Variants in ZNF620 observed in about 807,000 individuals in gnomAD.
The protein encoded by ZNF620 is zinc finger protein 620.
Under a neutral mutation model 13.3 loss-of-function variants are expected in ZNF620, and 10 were observed. That is an observed-to-expected ratio of 0.75 (90% CI 0.46 to 1.28). The LOEUF (loss-of-function observed/expected upper bound fraction) is 1.28, where lower values mean the gene tolerates loss of function less well. Among genes scored for constraint, ZNF620 ranks in the 50% most tolerant of loss-of-function variants. The pLI, the probability that ZNF620 is intolerant of heterozygous loss-of-function variation, is 0.00. For synonymous variants in ZNF620, 166 were observed against 177.6 expected, an observed-to-expected ratio of 0.93 and a Z score of 0.52; for missense variants, 461 against 500.2, an observed-to-expected ratio of 0.92 and a Z score of 0.75.
At chr3:40,510,370 C>G (rs1359468246) in intron 2 of ZNF620, among the ~76,000 whole-genome samples, 1 of 152,130 alleles carries the variant, frequency 6.6e-6, no homozygotes, top group Admixed American at 6.6e-5. Flanking sequence ...CTCGACTTCC[C>G]AGTCTTCGTG....
rs1698428561 is a variant in ZNF620, at chr3:40,517,449, GAGGC to G, written c.*590_*593del. On this transcript the variant is annotated 3_prime_UTR_variant, in exon 5 of 5. Transcript: ENST00000314529. ...TGTAATCCCAGCTACTAGAGAGGCT[GAGGC>G]AGGAGAATCACTTGAATCCCTGAGG... 1 of 152,076 alleles carries G rather than the reference GAGGC, an allele frequency of 6.6e-6. No individual in the cohort carries two copies. The highest frequency in any genetic ancestry group is 1.5e-5 in the Non-Finnish European group (1 of 68,058). 9.4% of individuals were successfully genotyped at this position (152,076 alleles called of 1,614,324 possible).
At chr3:40,508,812 G>C (rs1267423537) in intron 2 of ZNF620, 2 of 456,204 alleles carry the variant, frequency 4.4e-6, no homozygotes, top group East Asian at 7.0e-5. Context: ...CTTTTTCCTA[G>C]AGACAAGGTT....
At chr3:40,513,362 T>G (rs1418440686) in intron 4 of ZNF620, among the ~76,000 whole-genome samples, 2 of 134,392 alleles carry the variant, frequency 1.5e-5, no homozygotes, top group Admixed American at 7.7e-5. Flanking sequence ...TATGGCCAGG[T>G]GTGGTGGTTC....
At chr3:40,513,328 T>A (rs1286987791) in intron 4 of ZNF620, among the ~76,000 whole-genome samples, 839 of 45,250 alleles carry the variant, frequency 0.019, 76 homozygotes, top group African/African-American at 0.079. Context: ...TATATATATA[T>A]ATATATATAT....
chr3:40,507,716 G>A (rs1312183229), intron 2 of ZNF620, among the ~76,000 whole-genome samples: 2 of 152,108 alleles, frequency 1.3e-5, no homozygotes, highest in Non-Finnish European at 2.9e-5. Flanking sequence ...TAGGCATGGG[G>A]TTTTCTTTCT....
At chr3:40,512,601 C>T in intron 4 of ZNF620, 86 bp downstream of exon 4, 1 of 943,808 alleles carries the variant, frequency 1.1e-6, no homozygotes, top group Non-Finnish European at 1.6e-6. Context: ...TGTTTCTTCT[C>T]TTGGGAGACT....
rs1010088259 is a variant in ZNF620 at position 40,511,478 on chromosome 3, G to A, written c.33G>A (p.Val11=). The change falls in exon 3 of 5, where the codon GTG becomes GTA. Residue 11 remains valine (V), a synonymous_variant. Coordinates refer to ENST00000314529, the MANE Select transcript of ZNF620 (RefSeq NM_175888.4). Reference sequence around the variant, plus strand: ...GGAACTTGTTGTTTTAGGAACCAGTGACCTTTGAGGATGTGGCTGTGTACT... The same window carrying A: ...GGAACTTGTTGTTTTAGGAACCAGTAACCTTTGAGGATGTGGCTGTGTACT... The part of the protein sequence containing the change: MFQTAWRQEP[V]TFEDVAVYFT... 6.2e-7 allele frequency: 1 copy of A among 1,613,130 alleles called. No individual in the cohort carries two copies. The highest frequency in any genetic ancestry group is 1.3e-5 in the African/African-American group (1 of 74,876).
chr3:40,507,901 C>G (rs1698078143), intron 2 of ZNF620, among the ~76,000 whole-genome samples: 1 of 152,182 alleles, frequency 6.6e-6, no homozygotes, highest in Non-Finnish European at 1.5e-5. Flanking sequence ...GTACCTGGGA[C>G]TACAGGCATG....
chr3:40,506,935 T>G lies in ZNF620; in HGVS notation c.24+559T>G, dbSNP rs1575284942. Reference sequence around the variant, plus strand: ...AATCTTTCACACTGAAGACTGATGTTCACTGTAGGTTTCTTGCTTTTTTGT... The same window carrying G: ...AATCTTTCACACTGAAGACTGATGTGCACTGTAGGTTTCTTGCTTTTTTGT... On this transcript the variant is annotated intron_variant, in intron 2 of 4. Transcript: ENST00000314529. Among the ~76,000 whole-genome samples the G allele has an allele frequency of 3.3e-5, 5 of 152,304 alleles. No individual in the cohort carries two copies. The South Asian group carries it at 1.0e-3, about 32-fold the overall frequency.
chr3:40,513,859 C>T (rs201495241), intron 4 of ZNF620, among the ~76,000 whole-genome samples: 1 of 152,114 alleles, frequency 6.6e-6, no homozygotes, highest in Non-Finnish European at 1.5e-5. Flanking sequence ...TGAAGGGACA[C>T]TGTGAGAAGT....
At chr3:40,511,856 A>G (rs1208302098) in intron 3 of ZNF620, among the ~76,000 whole-genome samples, 1 of 151,652 alleles carries the variant, frequency 6.6e-6, no homozygotes, top group Non-Finnish European at 1.5e-5. Context: ...TAATTATTGT[A>G]TTTTTAGTAG....
intron 4 of ZNF620, among the ~76,000 whole-genome samples, chr3:40,513,330 T>A (rs1335755411): frequency 0.09 from 5,319 of 59,298 alleles, 827 homozygotes; most frequent in African/African-American, 0.26. Context: ...TATATATATA[T>A]ATATATATAT....
chr3:40,516,276 G>T lies in ZNF620; in HGVS notation c.682G>T (p.Glu228Ter), dbSNP rs1698381145. 6 of 1,614,046 alleles carry T rather than the reference G, an allele frequency of 3.7e-6. No individual in the cohort carries two copies. Among genetic ancestry groups the T allele is most frequent in the Non-Finnish European group, 5.1e-6 (6 of 1,180,054 alleles). ...HTGEKSFECK[E>*]CGKYFRYNSL... ...TGGTGAAAAGTCTTTTGAATGCAAAGAATGTGGAAAATACTTCAGATATAA... is the reference window on the plus strand; with the variant it reads ...TGGTGAAAAGTCTTTTGAATGCAAATAATGTGGAAAATACTTCAGATATAA... The change falls in exon 5 of 5, where the codon GAA becomes TAA. Residue 228 changes from glutamate (E) to a stop codon, truncating the protein, a stop_gained. Transcript: ENST00000314529. LOFTEE classifies it low-confidence loss of function (END_TRUNC).
intron 3 of ZNF620, 90 bp from the exon 4 acceptor site, chr3:40,512,312 C>G: frequency 9.2e-7 from 1 of 1,084,332 alleles, no homozygotes; most frequent in Non-Finnish European, 1.4e-6. Flanking sequence ...CTCTCACTAC[C>G]TGGCTCAGCA....
At chr3:40,515,374 T>C (rs565781560) in intron 4 of ZNF620, among the ~76,000 whole-genome samples, 143 of 152,358 alleles carry the variant, frequency 9.4e-4, no homozygotes, top group African/African-American at 3.4e-3. Flanking sequence ...GGTTATGACA[T>C]GCATGATGTC....
At chr3:40,509,775 T>G (rs1698138687) in intron 2 of ZNF620, among the ~76,000 whole-genome samples, 1 of 152,198 alleles carries the variant, frequency 6.6e-6, no homozygotes, top group African/African-American at 2.4e-5. Context: ...CTTCAGACTC[T>G]ACAAGGAAAT....
Position 40,516,649 on chromosome 3 carries a change from C to G in ZNF620, c.1055C>G (p.Thr352Ser). 6.2e-7 allele frequency: 1 copy of G among 1,613,666 alleles called. No individual in the cohort carries two copies. The highest frequency in any genetic ancestry group is 8.5e-7 in the Non-Finnish European group (1 of 1,179,732). The change falls in exon 5 of 5, where the codon ACT becomes AGT. Residue 352 changes from threonine (T) to serine (S), a missense_variant. Thr to Ser is a moderately conservative substitution (Grantham distance 58, BLOSUM62 1). Coordinates refer to ENST00000314529, the MANE Select transcript of ZNF620 (RefSeq NM_175888.4). ...GKRLSSNTAL[T>S]QHQRIHTGEK... ...CGATTAAGCTCCAACACAGCCTTGACTCAGCATCAGCGAATTCACACTGGG... is the reference window on the plus strand; with the variant it reads ...CGATTAAGCTCCAACACAGCCTTGAGTCAGCATCAGCGAATTCACACTGGG...
rs1326034206 is a variant in ZNF620, at chr3:40,511,665, TTG to T, written c.151+72_151+73del. On this transcript the variant is annotated intron_variant, in intron 3 of 4. Coordinates refer to ENST00000314529, the MANE Select transcript of ZNF620 (RefSeq NM_175888.4). The stretch of plus-strand genomic sequence containing the variant: ...CCTGGCTTCTTTATTCCTTAGAACT[TTG>T]TGGGGTTTTTTTCTTTTTTTCTTTT... 1.9e-6 allele frequency: 3 copies of T among 1,559,932 alleles called. No individual in the cohort carries two copies. The African/African-American group carries it at 4.2e-5, about 22-fold the overall frequency.
chr3:40,516,925 T>A lies in ZNF620; in HGVS notation c.*62T>A. On this transcript the variant is annotated 3_prime_UTR_variant, in exon 5 of 5. Coordinates refer to ENST00000314529, the MANE Select transcript of ZNF620 (RefSeq NM_175888.4). ...TTTCTCTTTATTTTCATGCTTTTTA[T>A]CAGTGTCCTCGCTGTCCTTCCTGGT... 1 of 1,506,752 alleles carries A rather than the reference T, an allele frequency of 6.6e-7. No individual in the cohort carries two copies. The highest frequency in any genetic ancestry group is 8.9e-7 in the Non-Finnish European group (1 of 1,125,430). The allele number at this position is 1,506,752 out of a possible 1,614,324, so 93.3% of individuals were successfully genotyped here.
Sources: gnomAD v4.1 joint callset for allele counts (sites outside exome capture counted in the v4.1 genomes callset) on GRCh38, gnomAD v4.1.1 for gene constraint, MANE v1.5 for transcripts, NCBI Gene and HGNC (gene_info 2026-07-23, HGNC 2026-07-21) for gene names.